KCNN2: variants seen among roughly 807,000 people sequenced by gnomAD.
KCNN2 encodes the protein potassium calcium-activated channel subfamily N member 2, also known as small conductance calcium-activated potassium channel protein 2.
Under a neutral mutation model 55.5 loss-of-function variants are expected in KCNN2, and 24 were observed. That is an observed-to-expected ratio of 0.43 (90% CI 0.31 to 0.61). The LOEUF is 0.61. Among genes scored for constraint, KCNN2 ranks in the 20% least tolerant of loss-of-function variants. The pLI is 0.08. For synonymous variants in KCNN2, 431 were observed against 336.1 expected (o/e 1.28, Z -3.09); for missense variants, 754 against 853.6 (o/e 0.88, Z 1.45).
At chr5:114,082,647 A>G (rs1395328048) in intron 1 of KCNN2, among the ~76,000 whole-genome samples, 4 of 152,220 alleles carry the variant, frequency 2.6e-5, no homozygotes, top group African/African-American at 4.8e-5. Flanking sequence ...ATTATTCACA[A>G]TAGCTAAAAT....
Position 114,203,298 on chromosome 5 carries a change from A to G in KCNN2, c.-270-18182A>G, listed in dbSNP as rs540855370. Among the ~76,000 whole-genome samples the G allele has an allele frequency of 1.6e-4, 24 of 152,334 alleles. No individual in the cohort carries two copies. The South Asian group carries it at 5.0e-3, about 32-fold the overall frequency. On this transcript the variant is annotated intron_variant, in intron 1 of 10. Coordinates refer to the KCNN2 transcript ENST00000512097. ...GTTACCATTTAAAGTCCACTGTGAT[A>G]GGACAAGTCTAAAGTCTAAAGTTCT...
chr5:114,236,502 A>C (rs1003121360), intron 2 of KCNN2, among the ~76,000 whole-genome samples: 1 of 152,124 alleles, frequency 6.6e-6, no homozygotes, highest in African/African-American at 2.4e-5. Context: ...ATGAATCCAG[A>C]ATCTAAAGTA....
At chr5:114,209,779 C>A (rs1235792817) in intron 1 of KCNN2, among the ~76,000 whole-genome samples, 2 of 152,178 alleles carry the variant, frequency 1.3e-5, no homozygotes, top group Non-Finnish European at 2.9e-5. Flanking sequence ...TCCCTATAAA[C>A]CCAGATGCGT....
intron 1 of KCNN2, among the ~76,000 whole-genome samples, chr5:114,160,633 G>A (rs1284698586): frequency 6.6e-6 from 1 of 152,114 alleles, no homozygotes; most frequent in Non-Finnish European, 1.5e-5. Flanking sequence ...TATTGTGTGG[G>A]AGTCTAAGTC....
intron 2 of KCNN2, among the ~76,000 whole-genome samples, chr5:114,303,063 C>G (rs1179363897): frequency 1.3e-5 from 2 of 152,200 alleles, no homozygotes; most frequent in East Asian, 3.9e-4. Context: ...GCCAGGAAGA[C>G]AATTCAATTT....
rs78739053 is a variant in KCNN2 at position 114,439,918 on chromosome 5, A to G, written c.1638-23131A>G. Among the ~76,000 whole-genome samples, 770 of 152,288 alleles carry G rather than the reference A, an allele frequency of 5.1e-3. 7 individuals carry two copies. The highest frequency in any genetic ancestry group is 0.018 in the African/African-American group (736 of 41,570). On this transcript the variant is annotated intron_variant, in intron 3 of 7. Transcript: ENST00000673685. ...ATGCTTTTGAAATTATACTATGACA[A>G]GTTCAGAAATCAGCATTTAAATCCC... is the stretch of plus-strand genomic sequence containing the variant.
intron 1 of KCNN2, among the ~76,000 whole-genome samples, chr5:114,145,043 C>T (rs995002929): frequency 2.0e-4 from 31 of 152,138 alleles, no homozygotes; most frequent in Non-Finnish European, 3.7e-4. Context: ...TCATACCAGT[C>T]ATAGCTATGG....
intron 2 of KCNN2, among the ~76,000 whole-genome samples, chr5:114,255,779 A>G (rs4293905): frequency 0.38 from 57,025 of 151,958 alleles, 11,134 homozygotes; most frequent in East Asian, 0.74. Context: ...GGGAATACAT[A>G]GAATTTAGGA....
chr5:114,108,655 C>A (rs1234132862), intron 1 of KCNN2, among the ~76,000 whole-genome samples: 4 of 152,022 alleles, frequency 2.6e-5, no homozygotes, highest in Non-Finnish European at 5.9e-5. Context: ...TTTGTCTCAA[C>A]ATAATATCTC....
rs543779106 is a variant in KCNN2, at chr5:114,379,809, CAT to C, written c.1218+15811_1218+15812del. 2.8e-3 allele frequency among the ~76,000 whole-genome samples: 396 copies of C among 138,956 alleles called. 1 individual carries two copies. The highest frequency in any genetic ancestry group is 9.8e-3 in the African/African-American group (367 of 37,454). 91.2% of individuals were successfully genotyped at this position (138,956 alleles called of 152,430 possible). On this transcript the variant is annotated intron_variant, in intron 2 of 7. Coordinates refer to ENST00000673685, the MANE Select transcript of KCNN2 (RefSeq NM_021614.4). The stretch of plus-strand genomic sequence containing the variant: ...TATATTTATAGAATATATTATATAA[CAT>C]ATTATATATTTATAGAATATATTAT...
intron 1 of KCNN2, among the ~76,000 whole-genome samples, chr5:114,209,679 G>C (rs190429302): frequency 5.3e-4 from 80 of 152,232 alleles, no homozygotes; most frequent in African/African-American, 1.7e-3. Context: ...TACTTATCAA[G>C]TTAAATATAG....
In KCNN2 at chr5:114,241,763, C is replaced by CGT. The variant is rs1491450392; in HGVS notation, c.-185+20199_-185+20200dup. On this transcript the variant is annotated intron_variant, in intron 2 of 10. Transcript: ENST00000512097. ...ATACGTATATATATGTATATATATA[C>CGT]GTATATATATACATATATACGTATA... is the stretch of plus-strand genomic sequence containing the variant. Among the ~76,000 whole-genome samples, 2 of 4,696 alleles carry CGT rather than the reference C, an allele frequency of 4.3e-4. 1 individual carries two copies. The highest frequency in any genetic ancestry group is 4.4e-3 in the Admixed American group (2 of 456). The allele number at this position is 4,696 out of a possible 152,430, so 3.1% of individuals were successfully genotyped here. A position where few individuals can be genotyped will look rare whatever the true frequency, so the allele number is the denominator to read the frequency against.
At chr5:114,264,195 C>G (rs1029027296) in intron 2 of KCNN2, among the ~76,000 whole-genome samples, 1 of 152,092 alleles carries the variant, frequency 6.6e-6, no homozygotes, top group Non-Finnish European at 1.5e-5. Context: ...TCCTTTCCAT[C>G]ATTTCTATGA....
intron 1 of KCNN2, among the ~76,000 whole-genome samples, chr5:114,153,373 G>A (rs1026882036): frequency 1.3e-5 from 2 of 152,098 alleles, no homozygotes; most frequent in Non-Finnish European, 2.9e-5. Context: ...CTGACTTCAG[G>A]TTATGTTCTG....
At chr5:114,092,290 T>G (rs916420827) in intron 1 of KCNN2, among the ~76,000 whole-genome samples, 1 of 152,200 alleles carries the variant, frequency 6.6e-6, no homozygotes, top group Non-Finnish European at 1.5e-5. Context: ...AATGATGTCC[T>G]TTGACTCCAT....
intron 1 of KCNN2, among the ~76,000 whole-genome samples, chr5:114,107,709 T>C (rs1195533990): frequency 6.6e-6 from 1 of 152,086 alleles, no homozygotes; most frequent in Non-Finnish European, 1.5e-5. Flanking sequence ...ATTTGCATTT[T>C]ACAATGAGCC....
intron 1 of KCNN2, among the ~76,000 whole-genome samples, chr5:114,185,672 C>T (rs1328081146): frequency 6.6e-6 from 1 of 152,198 alleles, no homozygotes; most frequent in African/African-American, 2.4e-5. Context: ...ACAAGAACCC[C>T]GTCTTTAGCT....
At chr5:114,220,618 G>C (rs1754117117) in intron 1 of KCNN2, among the ~76,000 whole-genome samples, 1 of 152,032 alleles carries the variant, frequency 6.6e-6, no homozygotes, top group Non-Finnish European at 1.5e-5. Flanking sequence ...AGCAGAAAAG[G>C]AGCCAATTAG....
Position 114,487,299 on chromosome 5 carries a change from A to G in KCNN2, c.2018+122A>G. On this transcript the variant is annotated intron_variant, in intron 6 of 7. Coordinates refer to ENST00000673685, the MANE Select transcript of KCNN2 (RefSeq NM_021614.4). ...ACATTGTCATGTTTATTCCCAGAAG[A>G]TGTTATCTGGCAATCTAATCATTCC... 3.5e-6 allele frequency: 3 copies of G among 852,600 alleles called. No individual in the cohort carries two copies. In the South Asian group the frequency reaches 5.1e-5, roughly 14 times the overall value. 52.8% of individuals were successfully genotyped at this position (852,600 alleles called of 1,614,324 possible).
Sources: gnomAD v4.1 joint callset for allele counts (sites outside exome capture counted in the v4.1 genomes callset) on GRCh38, gnomAD v4.1.1 for gene constraint, MANE v1.5 for transcripts, NCBI Gene and HGNC (gene_info 2026-07-23, HGNC 2026-07-21) for gene names.